Variants in PCBP3 observed in about 807,000 individuals in gnomAD.
PCBP3 encodes the protein poly(rC) binding protein 3.
PCBP3 carries 25 observed loss-of-function variants against 52.7 expected under a neutral mutation model. That is an observed-to-expected ratio of 0.47 (90% confidence interval 0.35 to 0.66). The LOEUF (loss-of-function observed/expected upper bound fraction) is 0.66. Among genes scored for constraint, PCBP3 ranks in the 30% least tolerant of loss-of-function variants. PCBP3 has a pLI of 0.01. For missense variants in PCBP3, 391 were observed against 490.3 expected, an observed-to-expected ratio of 0.80 and a Z score of 1.91; for synonymous variants, 162 against 183.0, an observed-to-expected ratio of 0.89 and a Z score of 0.93.
chr21:45,866,907 A>T (rs1431327632), intron 5 of PCBP3, among the ~76,000 whole-genome samples: 7 of 152,216 alleles, frequency 4.6e-5, no homozygotes, highest in Admixed American at 4.6e-4. Context: ...CACAGGAAAG[A>T]AGGGAACAGG....
intron 2 of PCBP3, among the ~76,000 whole-genome samples, chr21:45,693,948 A>G (rs1320277979): frequency 6.6e-6 from 1 of 152,190 alleles, no homozygotes; most frequent in African/African-American, 2.4e-5. Flanking sequence ...GTAAAAATAT[A>G]TGACTCTGTC....
intron 2 of PCBP3, among the ~76,000 whole-genome samples, chr21:45,717,580 A>G (rs1196082250): frequency 1.3e-5 from 2 of 152,152 alleles, no homozygotes; most frequent in African/African-American, 2.4e-5. Context: ...TTCTGTGTCT[A>G]CTGAGATGAT....
intron 9 of PCBP3, among the ~76,000 whole-genome samples, chr21:45,905,086 T>C (rs1173405889): frequency 6.6e-6 from 1 of 152,240 alleles, no homozygotes; most frequent in Non-Finnish European, 1.5e-5. Context: ...TTTTCAGAAT[T>C]TGTCCATTCT....
chr21:45,697,646 G>A (rs2082864992), intron 2 of PCBP3, among the ~76,000 whole-genome samples: 1 of 151,830 alleles, frequency 6.6e-6, no homozygotes, highest in South Asian at 2.1e-4. Flanking sequence ...TCGGAAGGCT[G>A]AGATGGGAGG....
chr21:45,740,353 C>T (rs1272808679), intron 3 of PCBP3, among the ~76,000 whole-genome samples: 2 of 152,184 alleles, frequency 1.3e-5, no homozygotes, highest in Non-Finnish European at 2.9e-5. Flanking sequence ...GACTTAGTAG[C>T]TCCCATGTTA....
At position 45,928,122 on chromosome 21, in the gene PCBP3, T is replaced by C. The variant is rs1285886494; in HGVS notation, c.718-1795T>C. The stretch of plus-strand genomic sequence containing the variant: ...GGGGCGCCTTCACTAGGACCCCAGA[T>C]GCGCCTGCTTCCTCCTCCTGCCCCC... On this transcript the variant is annotated intron_variant, in intron 13 of 17. Transcript: ENST00000681687. This position sits in a 1 kb window ranked among gnomAD's most constrained non-coding sequence, Gnocchi z 4.1. 6.6e-6 allele frequency among the ~76,000 whole-genome samples: 1 copy of C among 152,146 alleles called. No homozygotes were observed. The highest frequency in any genetic ancestry group is 1.5e-5 in the Non-Finnish European group (1 of 68,012).
chr21:45,659,448 C>T (rs2080242012), intron 1 of PCBP3, among the ~76,000 whole-genome samples: 1 of 148,556 alleles, frequency 6.7e-6, no homozygotes, highest in Non-Finnish European at 1.5e-5. Flanking sequence ...CTCCTGAGCT[C>T]AAACGATCTT....
intron 5 of PCBP3, among the ~76,000 whole-genome samples, chr21:45,890,133 T>C (rs4818807): frequency 0.18 from 27,728 of 152,222 alleles, 3,040 homozygotes; most frequent in African/African-American, 0.32. Context: ...GCTACTCTGC[T>C]GCGGGAGAGA....
chr21:45,645,916 C>T (rs574793527), intron 1 of PCBP3, among the ~76,000 whole-genome samples: 3 of 152,284 alleles, frequency 2.0e-5, no homozygotes, highest in East Asian at 1.9e-4. Context: ...ATTGGAATTG[C>T]CCCAACTTAA....
chr21:45,862,628 C>T (rs1035777438), intron 5 of PCBP3, among the ~76,000 whole-genome samples: 5 of 152,196 alleles, frequency 3.3e-5, no homozygotes, highest in East Asian at 3.8e-4. Context: ...AATAAGCAAT[C>T]GACTGACTTT....
intron 4 of PCBP3, among the ~76,000 whole-genome samples, 165 bp from the exon 5 acceptor site, chr21:45,849,796 G>T (rs1031694412): frequency 1.3e-5 from 2 of 152,128 alleles, no homozygotes; most frequent in Non-Finnish European, 1.5e-5. Context: ...AGGGGGGAGC[G>T]CTTGCTGGCA....
intron 2 of PCBP3, among the ~76,000 whole-genome samples, chr21:45,721,697 C>T (rs189050153): frequency 9.5e-4 from 144 of 152,228 alleles, no homozygotes; most frequent in African/African-American, 3.1e-3. Flanking sequence ...TTTCATTCTC[C>T]GTGTGCTCCA....
At chr21:45,786,126 CAATAAAAAAATAAATA>C (rs1383266615) in intron 4 of PCBP3, among the ~76,000 whole-genome samples, 6 of 122,516 alleles carry the variant, frequency 4.9e-5, no homozygotes, top group Non-Finnish European at 1.0e-4. Flanking sequence ...CAAGAATGAT[CAATAAAAAAATAAATA>C]AATAAATAAA....
chr21:45,792,134 G>A (rs9975735), intron 4 of PCBP3, among the ~76,000 whole-genome samples: 3,883 of 152,396 alleles, frequency 0.025, 174 homozygotes, highest in African/African-American at 0.089. Flanking sequence ...GGCGAGGCCC[G>A]GGGCTCCAGG....
intron 5 of PCBP3, among the ~76,000 whole-genome samples, chr21:45,877,159 C>G (rs2095281734): frequency 6.6e-6 from 1 of 152,232 alleles, no homozygotes; most frequent in African/African-American, 2.4e-5. Flanking sequence ...ATGTCATTCA[C>G]TGTTATTTTT....
chr21:45,660,186 C>T (rs561394970), intron 1 of PCBP3, among the ~76,000 whole-genome samples: 1 of 151,794 alleles, frequency 6.6e-6, no homozygotes, highest in Non-Finnish European at 1.5e-5. Context: ...ATTGTTAGAG[C>T]TTCTTGATGA....
chr21:45,827,045 G>A lies in PCBP3; in HGVS notation c.-125-22916G>A, dbSNP rs2093325931. 1.3e-5 allele frequency among the ~76,000 whole-genome samples: 2 copies of A among 152,152 alleles called. No individual in the cohort carries two copies. Among genetic ancestry groups the A allele is most frequent in the Admixed American group, 1.3e-4 (2 of 15,284 alleles). On this transcript the variant is annotated intron_variant, in intron 4 of 17. Transcript: ENST00000681687. This position sits in a 1 kb window ranked among gnomAD's most constrained non-coding sequence, Gnocchi z 4.3. ...CAGCTGAGCCAGGGAGCATCAGGGA[G>A]GCTGATGGGGACATGTACTCCCAGC...
chr21:45,778,615 C>G (rs1281590254), intron 4 of PCBP3, among the ~76,000 whole-genome samples: 1 of 152,172 alleles, frequency 6.6e-6, no homozygotes, highest in Admixed American at 6.5e-5. Flanking sequence ...TAGGTGCCAG[C>G]TGAGGTGATA....
At chr21:45,770,909 C>T (rs1399423727) in intron 4 of PCBP3, among the ~76,000 whole-genome samples, 2 of 152,258 alleles carry the variant, frequency 1.3e-5, no homozygotes, top group Non-Finnish European at 2.9e-5. Flanking sequence ...CTCTAGAACC[C>T]GCTGCCCATG....
Sources: allele counts gnomAD v4.1 joint callset (sites outside exome capture counted in the v4.1 genomes callset), GRCh38; gene constraint gnomAD v4.1.1; non-coding constraint Gnocchi (gnomAD v3.1); transcripts MANE v1.5; gene names NCBI Gene and HGNC (gene_info 2026-07-23, HGNC 2026-07-21).